The following PRKAR2B variants were observed in gnomAD, a reference collection of about 807,000 sequenced individuals.
The protein encoded by PRKAR2B is protein kinase cAMP-dependent type II regulatory subunit beta.
In PRKAR2B, 14 loss-of-function variants were observed where a neutral mutation model predicts 49.9. That is an observed-to-expected ratio of 0.28 (90% CI 0.19 to 0.44). PRKAR2B has a LOEUF of 0.44. Ranked by LOEUF, PRKAR2B falls within the 20% of genes least tolerant of loss-of-function variation. The pLI, the probability that PRKAR2B is intolerant of heterozygous loss-of-function variation, is 1.00. For synonymous variants in PRKAR2B, 196 were observed against 197.7 expected, an observed-to-expected ratio of 0.99 and a Z score of 0.07; for missense variants, 393 against 537.9, an observed-to-expected ratio of 0.73 and a Z score of 2.67.
intron 2 of PRKAR2B, among the ~76,000 whole-genome samples, chr7:107,075,936 G>A (rs1794387558): frequency 6.6e-6 from 1 of 152,112 alleles, no homozygotes; most frequent in South Asian, 2.1e-4. Flanking sequence ...TTTTGTCTCT[G>A]AATTGGGGAG....
chr7:107,052,100 A>G (rs954881731), intron 1 of PRKAR2B, among the ~76,000 whole-genome samples: 8 of 152,176 alleles, frequency 5.3e-5, no homozygotes, highest in Non-Finnish European at 1.2e-4. Context: ...TCTCATTATT[A>G]TAGAAAACTA....
intron 4 of PRKAR2B, among the ~76,000 whole-genome samples, chr7:107,130,895 A>G (rs1795594974): frequency 6.6e-6 from 1 of 152,184 alleles, no homozygotes; most frequent in Non-Finnish European, 1.5e-5. Context: ...TTTGACTAGA[A>G]CTTTACATGG....
rs532846761 is a variant in PRKAR2B at position 107,161,488 on chromosome 7, C to A, written c.*1906C>A. 1 of 152,612 alleles carries A rather than the reference C, an allele frequency of 6.6e-6. No individual in the cohort carries two copies. The highest frequency in any genetic ancestry group is 6.5e-5 in the Admixed American group (1 of 15,278). The allele number at this position is 152,612 out of a possible 1,614,324, so 9.5% of individuals were successfully genotyped here. A position where few individuals can be genotyped will look rare whatever the true frequency, so the allele number is the denominator to read the frequency against. ...TTTAAATTTTCCTTACAATAAAGCA[C>A]ACTTTTATAATAAAATACATGAATT... On this transcript the variant is annotated 3_prime_UTR_variant, in exon 11 of 11. Transcript: ENST00000265717.
chr7:107,120,798 T>G (rs1035826337), intron 2 of PRKAR2B, among the ~76,000 whole-genome samples: 1 of 151,964 alleles, frequency 6.6e-6, no homozygotes, highest in African/African-American at 2.4e-5. Flanking sequence ...ACTTTGTAGT[T>G]ACAATTGAAA....
At chr7:107,132,460 C>G (rs977778984) in intron 4 of PRKAR2B, among the ~76,000 whole-genome samples, 1 of 151,994 alleles carries the variant, frequency 6.6e-6, no homozygotes, top group Non-Finnish European at 1.5e-5. Flanking sequence ...ACAGGGGAAG[C>G]AGACAAGAAC....
Position 107,045,053 on chromosome 7 carries a change from C to G in PRKAR2B, c.146C>G (p.Ala49Gly). The G allele has an allele frequency of 1.3e-6, 2 of 1,545,190 alleles. No individual in the cohort carries two copies. Among genetic ancestry groups the G allele is most frequent in the Non-Finnish European group, 1.7e-6 (2 of 1,149,140 alleles). The change falls in exon 1 of 11, where the codon GCG becomes GGG. Residue 49 changes from alanine to glycine, a missense_variant. Ala to Gly is a moderately conservative substitution (Grantham distance 60). Around this residue, in one of 2 missense-constraint regions of PRKAR2B, gnomAD observed 160 missense variants for 147.6 expected, o/e 1.08. Coordinates refer to ENST00000265717, the MANE Select transcript of PRKAR2B (RefSeq NM_002736.3). ...LQQENERKGT[A>G]RFGHEGRTWG... is the part of the protein sequence containing the mutation. ...CAGGAGAACGAGCGCAAAGGCACCGCGCGCTTCGGCCATGAGGGCAGGACC... is the reference window on the plus strand; with the variant it reads ...CAGGAGAACGAGCGCAAAGGCACCGGGCGCTTCGGCCATGAGGGCAGGACC...
At chr7:107,104,655 T>A (rs1328806976) in intron 2 of PRKAR2B, among the ~76,000 whole-genome samples, 2 of 152,218 alleles carry the variant, frequency 1.3e-5, no homozygotes, top group Non-Finnish European at 2.9e-5. Context: ...CAATGCATTT[T>A]CAAATAAATG....
At chr7:107,146,249 A>G in intron 5 of PRKAR2B, 59 bp from the exon 6 acceptor site, 1 of 1,525,682 alleles carries the variant, frequency 6.6e-7, no homozygotes, top group Non-Finnish European at 8.9e-7. Flanking sequence ...TTCTGAAATA[A>G]TGTTTTATTT....
chr7:107,050,604 G>A (rs976531443), intron 1 of PRKAR2B, among the ~76,000 whole-genome samples: 1 of 152,034 alleles, frequency 6.6e-6, no homozygotes, highest in Non-Finnish European at 1.5e-5. Flanking sequence ...TCGTTTGTCA[G>A]TAGTAGTAGT....
At chr7:107,150,895 T>A (rs765677887) in intron 6 of PRKAR2B, 27 bp from the exon 7 acceptor site, 5 of 1,280,482 alleles carry the variant, frequency 3.9e-6, no homozygotes, top group Non-Finnish European at 5.6e-6. Flanking sequence ...CCCCATAAAA[T>A]TTACCCTTTA....
chr7:107,055,215 T>A (rs953651930), intron 1 of PRKAR2B, among the ~76,000 whole-genome samples: 2 of 152,224 alleles, frequency 1.3e-5, no homozygotes, highest in African/African-American at 4.8e-5. Flanking sequence ...TCTATCATTG[T>A]TGGACATTTG....
At chr7:107,072,068 C>CA (rs33947575) in intron 2 of PRKAR2B, among the ~76,000 whole-genome samples, 51 of 121,970 alleles carry the variant, frequency 4.2e-4, no homozygotes, top group Admixed American at 1.4e-3. Context: ...GACCGCATCT[C>CA]AAAAAAAAAA....
chr7:107,067,648 C>T (rs1794180579), intron 1 of PRKAR2B, among the ~76,000 whole-genome samples: 1 of 152,168 alleles, frequency 6.6e-6, no homozygotes. Context: ...GTTAGATTGT[C>T]CCACCTAGAT....
intron 1 of PRKAR2B, among the ~76,000 whole-genome samples, chr7:107,057,244 C>T (rs910093653): frequency 2.0e-5 from 3 of 152,122 alleles, no homozygotes; most frequent in African/African-American, 4.8e-5. Context: ...TGGACATATC[C>T]ACCCGCTTAC....
At chr7:107,074,563 CTGAGG>C (rs1437941351) in intron 2 of PRKAR2B, among the ~76,000 whole-genome samples, 82 of 152,070 alleles carry the variant, frequency 5.4e-4, no homozygotes, top group Middle Eastern at 3.4e-3. Context: ...CTTTGGGAGG[CTGAGG>C]TGAGCGGATT....
intron 2 of PRKAR2B, among the ~76,000 whole-genome samples, chr7:107,096,351 C>G (rs1794837069): frequency 6.6e-6 from 1 of 152,024 alleles, no homozygotes; most frequent in African/African-American, 2.4e-5. Context: ...GTGGTGATAT[C>G]CCCTTTATCA....
chr7:107,147,965 GAGACA>G (rs1157512283), intron 6 of PRKAR2B, among the ~76,000 whole-genome samples: 2 of 152,160 alleles, frequency 1.3e-5, no homozygotes, highest in Admixed American at 6.5e-5. Context: ...CTTGATCAAA[GAGACA>G]AGACATTTTA....
chr7:107,149,093 T>A (rs1480992958), intron 6 of PRKAR2B, among the ~76,000 whole-genome samples: 3 of 152,188 alleles, frequency 2.0e-5, no homozygotes, highest in Non-Finnish European at 4.4e-5. Flanking sequence ...TTTGGGAGCA[T>A]TTATGAATTA....
At chr7:107,056,373 G>A (rs1005625433) in intron 1 of PRKAR2B, among the ~76,000 whole-genome samples, 1 of 152,192 alleles carries the variant, frequency 6.6e-6, no homozygotes, top group African/African-American at 2.4e-5. Context: ...GTAGCTTGAT[G>A]GGGATGGCAT....
Sources: gnomAD v4.1 joint callset for allele counts (sites outside exome capture counted in the v4.1 genomes callset) on GRCh38, gnomAD v4.1.1 for gene constraint, gnomAD v4.1.1 regional missense constraint, MANE v1.5 for transcripts, NCBI Gene and HGNC (gene_info 2026-07-23, HGNC 2026-07-21) for gene names.